SLC6A18: variants seen among roughly 807,000 people sequenced by gnomAD.
SLC6A18 encodes the protein inactive sodium-dependent neutral amino acid transporter B(0)AT3.
A neutral mutation model predicts 62.9 loss-of-function variants in SLC6A18; 58 were observed. The ratio of observed to expected loss-of-function variants is 0.92; its 90% CI spans 0.75 to 1.15. The LOEUF (loss-of-function observed/expected upper bound fraction) is 1.15, where lower values mean the gene tolerates loss of function less well. Among genes scored for constraint, SLC6A18 ranks in the 50% most tolerant of loss-of-function variants. The pLI, the probability that SLC6A18 is intolerant of heterozygous loss-of-function variation, is 0.00. For synonymous variants in SLC6A18, 382 were observed against 365.8 expected (o/e 1.04, Z -0.51); for missense variants, 793 against 836.6 (o/e 0.95, Z 0.64).
In SLC6A18 at chr5:1,232,788, G is replaced by A. The variant is rs1579527224; in HGVS notation, c.339G>A (p.Leu113=). 1 of 1,613,572 alleles carries A rather than the reference G, an allele frequency of 6.2e-7. No homozygotes were observed. Among genetic ancestry groups the A allele is most frequent in the Non-Finnish European group, 8.5e-7 (1 of 1,179,992 alleles). The change falls in exon 3 of 12, where the codon CTG becomes CTA. Residue 113 remains leucine (L), a synonymous_variant. Coordinates refer to ENST00000324642, the MANE Select transcript of SLC6A18 (RefSeq NM_182632.3). ...TCACGCTGTCCTTCCTGATCAGCCT[G>A]TACTACAACACCATCGTGGCGTGGG... ...GCVTLSFLIS[L]YYNTIVAWVL...
In SLC6A18 at chr5:1,225,384, T is replaced by C; in HGVS notation, c.-94T>C. 2 of 1,363,494 alleles carry C rather than the reference T, an allele frequency of 1.5e-6. No homozygotes were observed. The highest frequency in any genetic ancestry group is 5.2e-5 in the East Asian group (2 of 38,688). The allele number at this position is 1,363,494 out of a possible 1,614,324, so 84.5% of individuals were successfully genotyped here. A position where few individuals can be genotyped will look rare whatever the true frequency, so the allele number is the denominator to read the frequency against. On this transcript the variant is annotated 5_prime_UTR_variant, in exon 1 of 12. Transcript: ENST00000324642. The stretch of plus-strand genomic sequence containing the variant: ...CAACTGCAGTGGGGCTGCTTGTGGT[T>C]TCCAAACGTCGGCAGAGGCTGGAGA...
At chr5:1,232,508 G>A in intron 2 of SLC6A18, 149 bp downstream of exon 2, 1 of 1,186,044 alleles carries the variant, frequency 8.4e-7, no homozygotes, top group Middle Eastern at 2.9e-4. Flanking sequence ...CCTTGGGTGT[G>A]TGTGAGAAGC....
Position 1,246,117 on chromosome 5 carries a change from G to C in SLC6A18, c.*39G>C, listed in dbSNP as rs756869109. On this transcript the variant is annotated 3_prime_UTR_variant, in exon 12 of 12. Transcript: ENST00000324642. Reference sequence around the variant, plus strand: ...GGGGCCTGCATGGGCGGGTCTGTGGGGGGGCTTGGCCTGATGGTGGGCGGG... The same window carrying C: ...GGGGCCTGCATGGGCGGGTCTGTGGCGGGGCTTGGCCTGATGGTGGGCGGG... 1.8e-5 allele frequency: 27 copies of C among 1,523,282 alleles called. No homozygotes were observed. Among genetic ancestry groups the C allele is most frequent in the South Asian group, 7.3e-5 (6 of 82,310 alleles). 94.4% of individuals were successfully genotyped at this position (1,523,282 alleles called of 1,614,324 possible).
rs763225212 is a variant in SLC6A18 at position 1,243,810 on chromosome 5, G to A, written c.1336+51G>A. 3 of 1,506,206 alleles carry A rather than the reference G, an allele frequency of 2.0e-6. No individual in the cohort carries two copies. The South Asian group carries it at 3.8e-5, about 19-fold the overall frequency. The allele number at this position is 1,506,206 out of a possible 1,614,324, so 93.3% of individuals were successfully genotyped here. Reference sequence around the variant, plus strand: ...GAGGACCCGTCCCCAGCATCTGACTGTCCACTCCCGCCCGCTGTCCAGACG... The same window carrying A: ...GAGGACCCGTCCCCAGCATCTGACTATCCACTCCCGCCCGCTGTCCAGACG... On this transcript the variant is annotated intron_variant, in intron 9 of 11. Coordinates refer to ENST00000324642, the MANE Select transcript of SLC6A18 (RefSeq NM_182632.3). This position sits in a 1 kb window ranked among gnomAD's most constrained non-coding sequence, Gnocchi z 6.5.
At chr5:1,231,914 A>C (rs1036029588) in intron 1 of SLC6A18, among the ~76,000 whole-genome samples, 1 of 152,180 alleles carries the variant, frequency 6.6e-6, no homozygotes, top group African/African-American at 2.4e-5. Flanking sequence ...TCCCTCAGCA[A>C]ACGCAACACA....
intron 1 of SLC6A18, among the ~76,000 whole-genome samples, chr5:1,231,839 G>A (rs56389783): frequency 0.38 from 58,472 of 151,984 alleles, 11,585 homozygotes; most frequent in Admixed American, 0.44. Flanking sequence ...TTCCCACAGA[G>A]GCTGAGTCCC....
chr5:1,228,315 G>C (rs1366772173), intron 1 of SLC6A18, among the ~76,000 whole-genome samples: 1 of 152,194 alleles, frequency 6.6e-6, no homozygotes, highest in African/African-American at 2.4e-5. Flanking sequence ...GCTGGCACTG[G>C]AGCACCATCT....
In SLC6A18 at chr5:1,226,902, G is replaced by C. The variant is rs976813511; in HGVS notation, c.160+1265G>C. On this transcript the variant is annotated intron_variant, in intron 1 of 11. Transcript: ENST00000324642. ...GCCGGCCAACGCTTTACCCACCAACGCCTTGTTCGCCAATGCCTTGCCCAC... is the reference window on the plus strand; with the variant it reads ...GCCGGCCAACGCTTTACCCACCAACCCCTTGTTCGCCAATGCCTTGCCCAC... Among the ~76,000 whole-genome samples, 3 of 152,206 alleles carry C rather than the reference G, an allele frequency of 2.0e-5. No homozygotes were observed. The East Asian group carries it at 5.9e-4, about 30-fold the overall frequency.
intron 5 of SLC6A18, 146 bp downstream of exon 5, chr5:1,238,206 C>T: frequency 1.5e-6 from 1 of 671,254 alleles, no homozygotes; most frequent in South Asian, 1.8e-5. Flanking sequence ...GTGAGGTTGG[C>T]CCAGGATGGC....
chr5:1,238,282 G>A (rs6876515), intron 5 of SLC6A18, among the ~76,000 whole-genome samples: 18,714 of 54,854 alleles, frequency 0.34, 2,461 homozygotes, highest in African/African-American at 0.45. Flanking sequence ...CAGGAAAGAG[G>A]TCAGGTTTGG....
At chr5:1,227,620 A>G (rs1000286069) in intron 1 of SLC6A18, among the ~76,000 whole-genome samples, 1 of 152,242 alleles carries the variant, frequency 6.6e-6, no homozygotes, top group African/African-American at 2.4e-5. Context: ...CCAAAGGCGA[A>G]TATTATTTGC....
chr5:1,230,740 G>T (rs1473431576), intron 1 of SLC6A18, among the ~76,000 whole-genome samples: 1 of 152,178 alleles, frequency 6.6e-6, no homozygotes. Context: ...ACGCACGGCG[G>T]GGAAGAGTGT....
At chr5:1,228,636 G>A (rs1427571739) in intron 1 of SLC6A18, among the ~76,000 whole-genome samples, 4 of 152,178 alleles carry the variant, frequency 2.6e-5, no homozygotes, top group Non-Finnish European at 4.4e-5. Flanking sequence ...GCTTATGAAC[G>A]ACTGCTAAAC....
chr5:1,232,702 G>T (rs750569064), intron 2 of SLC6A18, 49 bp from the exon 3 acceptor site: 19 of 1,558,240 alleles, frequency 1.2e-5, no homozygotes, highest in Non-Finnish European at 1.7e-5. Context: ...CTGGGCAGAG[G>T]GAGCTGGGAA....
chr5:1,238,446 AGCTTGGG>A, intron 5 of SLC6A18, among the ~76,000 whole-genome samples: 1 of 19,162 alleles, frequency 5.2e-5, no homozygotes, highest in East Asian at 4.1e-4. Context: ...GTTTGGAGTG[AGCTTGGG>A]GCCTCAGGAA....
At chr5:1,242,679 G>A (rs752949662) in intron 7 of SLC6A18, 28 bp from the exon 8 acceptor site, 4 of 1,574,292 alleles carry the variant, frequency 2.5e-6, no homozygotes, top group Admixed American at 3.6e-5. Context: ...CCAGGGCCAT[G>A]AGCCCACAGT....
intron 4 of SLC6A18, 102 bp downstream of exon 4, chr5:1,235,764 G>A (rs1405454915): frequency 1.3e-5 from 15 of 1,195,766 alleles, no homozygotes; most frequent in Admixed American, 6.4e-5. Flanking sequence ...CTCTTGCGAG[G>A]GGCATAAACA....
chr5:1,239,391 G>C (rs763213036), intron 5 of SLC6A18, 59 bp from the exon 6 acceptor site: 16 of 1,323,204 alleles, frequency 1.2e-5, no homozygotes, highest in Non-Finnish European at 1.5e-5. Flanking sequence ...GGAACAGTCA[G>C]GGCCACCAGC....
rs1270327444 is a variant in SLC6A18 at position 1,244,760 on chromosome 5, C to T, written c.1649C>T (p.Pro550Leu). ...WKPLRYKAWN[P>L]KYELFPSRQE... is the part of the protein sequence containing the mutation. ...CCACTGAGATACAAGGCCTGGAACC[C>T]CAAATACGTAGGTCCTTCCGGTGGG... The change falls in exon 11 of 12, where the codon CCC becomes CTC. Residue 550 changes from proline to leucine, a missense_variant. Physicochemically the swap from Pro to Leu is moderately conservative, Grantham distance 98 (BLOSUM62 -3). Transcript: ENST00000324642. The T allele has an allele frequency of 1.2e-6, 2 of 1,604,436 alleles. No individual in the cohort carries two copies. Among genetic ancestry groups the T allele is most frequent in the Non-Finnish European group, 1.7e-6 (2 of 1,172,766 alleles).
Sources: allele counts gnomAD v4.1 joint callset (sites outside exome capture counted in the v4.1 genomes callset), GRCh38; gene constraint gnomAD v4.1.1; non-coding constraint Gnocchi (gnomAD v3.1); transcripts MANE v1.5; gene names NCBI Gene and HGNC (gene_info 2026-07-23, HGNC 2026-07-21).